Variants in CRIM1 observed in about 807,000 individuals in gnomAD.
CRIM1 encodes cysteine-rich motor neuron 1 protein.
In CRIM1, 32 loss-of-function variants were observed where a neutral mutation model predicts 116.4. That is an observed-to-expected ratio of 0.27 (90% confidence interval 0.21 to 0.37). The LOEUF (loss-of-function observed/expected upper bound fraction) is 0.37, where lower values mean the gene tolerates loss of function less well. Among genes scored for constraint, CRIM1 ranks in the 10% least tolerant of loss-of-function variants. CRIM1 has a pLI of 1.00. For synonymous variants in CRIM1, 590 were observed against 509.2 expected (o/e 1.16, Z -2.13); for missense variants, 1,331 against 1,354.8 (o/e 0.98, Z 0.28).
At chr2:36,477,931 C>T (rs1301375120) in intron 6 of CRIM1, among the ~76,000 whole-genome samples, 1 of 152,168 alleles carries the variant, frequency 6.6e-6, no homozygotes, top group Non-Finnish European at 1.5e-5. Context: ...CTTCTGACAA[C>T]ACAACACTGT....
chr2:36,369,266 A>G (rs1009227190), intron 1 of CRIM1: 6 of 152,224 alleles, frequency 3.9e-5, no homozygotes, highest in African/African-American at 9.6e-5. Context: ...TAGAGACCCC[A>G]CTTGCCCACA....
intron 5 of CRIM1, among the ~76,000 whole-genome samples, chr2:36,466,330 G>T (rs1410930297): frequency 6.6e-6 from 1 of 152,062 alleles, no homozygotes; most frequent in Non-Finnish European, 1.5e-5. Flanking sequence ...AACAGAAAAA[G>T]TTCTGTGCAC....
chr2:36,464,730 G>T, intron 5 of CRIM1, 75 bp downstream of exon 5: 1 of 1,558,384 alleles, frequency 6.4e-7, no homozygotes, highest in Non-Finnish European at 8.8e-7. Flanking sequence ...CAACTTAGCT[G>T]CTTCTGCCTT....
intron 1 of CRIM1, among the ~76,000 whole-genome samples, chr2:36,379,639 T>C (rs6544008): frequency 0.42 from 64,043 of 151,800 alleles, 13,842 homozygotes; most frequent in South Asian, 0.55. Context: ...AAACATATCC[T>C]CTCACTAGTG....
Position 36,411,372 on chromosome 2 carries a change from A to G in CRIM1, c.505+14585A>G, listed in dbSNP as rs530639391. The stretch of plus-strand genomic sequence containing the variant: ...AATGTTGCCCTTGGGGGTCCTTTTG[A>G]TATATCAAGAACTAAACCTCTTTAG... On this transcript the variant is annotated intron_variant, in intron 2 of 16. Coordinates refer to ENST00000280527, the MANE Select transcript of CRIM1 (RefSeq NM_016441.3). Among the ~76,000 whole-genome samples, 5 of 152,262 alleles carry G rather than the reference A, an allele frequency of 3.3e-5. No individual in the cohort carries two copies. The South Asian group carries it at 1.0e-3, about 32-fold the overall frequency.
chr2:36,476,791 C>A, intron 5 of CRIM1, 98 bp from the exon 6 acceptor site: 1 of 922,126 alleles, frequency 1.1e-6, no homozygotes, highest in South Asian at 1.6e-5. Context: ...AACTTATAAC[C>A]TCCTATTAGA....
rs117824069 is a variant in CRIM1 at position 36,505,145 on chromosome 2, C to T, written c.1502-4838C>T. Among the ~76,000 whole-genome samples, 23 of 152,248 alleles carry T rather than the reference C, an allele frequency of 1.5e-4. No individual in the cohort carries two copies. The East Asian group carries it at 4.2e-3, about 28-fold the overall frequency. On this transcript the variant is annotated intron_variant, in intron 8 of 16. Coordinates refer to ENST00000280527, the MANE Select transcript of CRIM1 (RefSeq NM_016441.3). ...CTATCAGGGTCAAAATTGGGACCAC[C>T]ATTTGTAATGTTGCATTTCTTTACT...
rs185107645 is a variant in CRIM1 at position 36,436,788 on chromosome 2, C to G, written c.506-4470C>G. On this transcript the variant is annotated intron_variant, in intron 2 of 16. Transcript: ENST00000280527. ...AGTAGAGAATTGTACAGCCTACATT[C>G]CATTCTCTGGCAACCAGGCAGTAAG... Among the ~76,000 whole-genome samples, 432 of 152,304 alleles carry G rather than the reference C, an allele frequency of 2.8e-3. 1 individual carries two copies. The highest frequency in any genetic ancestry group is 9.7e-3 in the African/African-American group (405 of 41,562).
chr2:36,408,526 T>G (rs766124180), intron 2 of CRIM1, among the ~76,000 whole-genome samples: 29 of 152,326 alleles, frequency 1.9e-4, no homozygotes, highest in Non-Finnish European at 3.8e-4. Flanking sequence ...AAGGATGCTG[T>G]GAGTGGAGAC....
At chr2:36,358,589 A>G (rs1669011136) in intron 1 of CRIM1, among the ~76,000 whole-genome samples, 2 of 152,202 alleles carry the variant, frequency 1.3e-5, no homozygotes, top group African/African-American at 2.4e-5. Context: ...TTCCTCTGAA[A>G]TGATGTGATC....
intron 4 of CRIM1, among the ~76,000 whole-genome samples, chr2:36,462,017 T>A (rs997413445): frequency 6.6e-5 from 10 of 152,136 alleles, no homozygotes; most frequent in African/African-American, 2.2e-4. Flanking sequence ...TCAGAAGGCT[T>A]TGCAGGGAAG....
chr2:36,442,487 G>A (rs1223039170), intron 3 of CRIM1, 128 bp from the exon 4 acceptor site: 7 of 1,053,374 alleles, frequency 6.6e-6, no homozygotes, highest in Admixed American at 3.9e-5. Flanking sequence ...GTAACATGTC[G>A]ACACTAGGAC....
intron 5 of CRIM1, among the ~76,000 whole-genome samples, chr2:36,474,959 A>G (rs576706963): frequency 6.6e-6 from 1 of 152,120 alleles, no homozygotes; most frequent in South Asian, 2.1e-4. Flanking sequence ...TGAACTATAT[A>G]TCTATCCCTG....
At chr2:36,481,340 A>C (rs900971220) in intron 7 of CRIM1, among the ~76,000 whole-genome samples, 3 of 152,216 alleles carry the variant, frequency 2.0e-5, no homozygotes, top group Admixed American at 6.5e-5. Context: ...TGTTTGGGTA[A>C]GGAGTGAAAC....
chr2:36,383,071 C>CTAAATACCAAT (rs1670906023), intron 1 of CRIM1, among the ~76,000 whole-genome samples: 1 of 152,152 alleles, frequency 6.6e-6, no homozygotes, highest in African/African-American at 2.4e-5. Flanking sequence ...CTTTTCCACT[C>CTAAATACCAAT]TAAATACCAA....
intron 1 of CRIM1, among the ~76,000 whole-genome samples, chr2:36,385,103 A>G (rs1463602171): frequency 2.0e-5 from 3 of 152,100 alleles, no homozygotes; most frequent in Non-Finnish European, 4.4e-5. Context: ...AAAAAAATCA[A>G]AGGTTTGGGT....
chr2:36,468,238 GT>G (rs969814574), intron 5 of CRIM1, among the ~76,000 whole-genome samples: 1 of 152,042 alleles, frequency 6.6e-6, no homozygotes, highest in East Asian at 1.9e-4. Flanking sequence ...ATATGCTTAT[GT>G]TTTTTTCTTT....
chr2:36,461,675 C>A (rs1677590822), intron 4 of CRIM1, among the ~76,000 whole-genome samples: 1 of 152,144 alleles, frequency 6.6e-6, no homozygotes, highest in Admixed American at 6.5e-5. Flanking sequence ...GGACTCATAT[C>A]ATTTGTAGAT....
chr2:36,399,590 A>T lies in CRIM1; in HGVS notation c.505+2803A>T, dbSNP rs966859160. ...GACTTTTGAGGAGTCTCGTGATAAAATGGTACTGAAAATAGGGGTAATTAT... is the reference window on the plus strand; with the variant it reads ...GACTTTTGAGGAGTCTCGTGATAAATTGGTACTGAAAATAGGGGTAATTAT... On this transcript the variant is annotated intron_variant, in intron 2 of 16. Transcript: ENST00000280527. Among the ~76,000 whole-genome samples the T allele has an allele frequency of 3.3e-5, 5 of 152,238 alleles. No individual in the cohort carries two copies. In the East Asian group the frequency reaches 9.6e-4, roughly 29 times the overall value.
Sources: allele counts gnomAD v4.1 joint callset (sites outside exome capture counted in the v4.1 genomes callset), GRCh38; gene constraint gnomAD v4.1.1; transcripts MANE v1.5; gene names NCBI Gene and HGNC (gene_info 2026-07-23, HGNC 2026-07-21).